TARS2: variants seen among roughly 807,000 people sequenced by gnomAD.
The protein encoded by TARS2 is threonine--tRNA ligase, mitochondrial.
Under a neutral mutation model 94.4 loss-of-function variants are expected in TARS2, and 61 were observed. That is an observed-to-expected ratio of 0.65 (90% CI 0.53 to 0.80). The LOEUF is 0.80. Ranked by LOEUF, TARS2 falls within the 30% of genes least tolerant of loss-of-function variation. The pLI is 0.00. For missense variants in TARS2, 704 were observed against 902.5 expected, an observed-to-expected ratio of 0.78 and a Z score of 2.82; for synonymous variants, 359 against 353.4, an observed-to-expected ratio of 1.02 and a Z score of -0.18.
At chr1:150,488,912 T>C in intron 2 of TARS2, 52 bp from the exon 3 acceptor site, 2 of 1,585,942 alleles carry the variant, frequency 1.3e-6, no homozygotes, top group East Asian at 4.5e-5. Context: ...ATTTTCCTTT[T>C]TGTGCCTTGT....
chr1:150,506,667 C>CACACA (rs1670237468), intron 17 of TARS2, among the ~76,000 whole-genome samples: 1 of 151,654 alleles, frequency 6.6e-6, no homozygotes. Context: ...ATGTCTCTGA[C>CACACA]CCTGGGGCTC....
chr1:150,488,926 CCTGT>C (rs1669262959), intron 2 of TARS2, 34 bp from the exon 3 acceptor site: 3 of 1,602,148 alleles, frequency 1.9e-6, no homozygotes, highest in Non-Finnish European at 2.6e-6. Flanking sequence ...GCCTTGTAAC[CCTGT>C]CTTTTTCTTC....
In TARS2 at chr1:150,487,982, C is replaced by G. The variant is rs1287843869; in HGVS notation, c.191C>G (p.Ser64Ter). The G allele has an allele frequency of 1.9e-6, 3 of 1,613,934 alleles. No homozygotes were observed. Among genetic ancestry groups the G allele is most frequent in the Non-Finnish European group, 2.5e-6 (3 of 1,180,022 alleles). The change falls in exon 2 of 18, where the codon TCA becomes TGA. Residue 64 changes from serine (S) to a stop codon, truncating the protein, a stop_gained. Transcript: ENST00000369064. LOFTEE classifies it high-confidence loss of function. ...AAGGAACCCCGGACTATTAAGATATCACTTCCTGGAGGCCAGAAAATTGAT... is the reference window on the plus strand; with the variant it reads ...AAGGAACCCCGGACTATTAAGATATGACTTCCTGGAGGCCAGAAAATTGAT... ...AQKEPRTIKISLPGGQKIDAV... is the reference protein window; with the variant it reads ...AQKEPRTIKI
At chr1:150,505,377 C>T (rs1670156107) in intron 16 of TARS2, among the ~76,000 whole-genome samples, 1 of 151,886 alleles carries the variant, frequency 6.6e-6, no homozygotes, top group Non-Finnish European at 1.5e-5. Flanking sequence ...GGGTCATCTC[C>T]AGTAGGAGGC....
chr1:150,501,577 C>T (rs1403252165), intron 13 of TARS2, among the ~76,000 whole-genome samples: 1 of 150,722 alleles, frequency 6.6e-6, no homozygotes, highest in Non-Finnish European at 1.5e-5. Flanking sequence ...ACCTCATGAT[C>T]TGCCCGCCTT....
intron 15 of TARS2, 52 bp from the exon 16 acceptor site, chr1:150,504,854 C>A: frequency 1.2e-6 from 2 of 1,611,600 alleles, no homozygotes; most frequent in East Asian, 4.5e-5. Context: ...AAGCACACTT[C>A]TGGCCAGAGC....
At chr1:150,503,163 A>G (rs1020398568) in intron 13 of TARS2, among the ~76,000 whole-genome samples, 12 of 152,314 alleles carry the variant, frequency 7.9e-5, no homozygotes, top group African/African-American at 2.9e-4. Context: ...GGTGGCATCA[A>G]TCTCTGCATT....
chr1:150,499,076 C>T (rs756776402), intron 12 of TARS2, 42 bp downstream of exon 12: 3 of 1,613,694 alleles, frequency 1.9e-6, no homozygotes, highest in East Asian at 2.2e-5. Context: ...AAACCACTCT[C>T]TGGTGGGAAG....
rs1309358555 is a variant in TARS2 at position 150,497,761 on chromosome 1, T to C, written c.1238+14T>C. The C allele has an allele frequency of 6.2e-7, 1 of 1,611,202 alleles. No individual in the cohort carries two copies. Among genetic ancestry groups the C allele is most frequent in the Non-Finnish European group, 8.5e-7 (1 of 1,178,626 alleles). On this transcript the variant is annotated intron_variant, in intron 10 of 17. Transcript: ENST00000369064. ...CCCTGCACACTGGTAAGCTGGGAGC[T>C]AGGGTTACAATCAGGTTGCTAAATA... is the stretch of plus-strand genomic sequence containing the variant.
intron 7 of TARS2, among the ~76,000 whole-genome samples, chr1:150,493,976 C>T (rs587653267): frequency 1.3e-5 from 2 of 152,022 alleles, no homozygotes; most frequent in South Asian, 2.1e-4. Flanking sequence ...AACCCCATGG[C>T]GCGGTGGCCT....
At chr1:150,500,540 C>G (rs940970453) in intron 13 of TARS2, among the ~76,000 whole-genome samples, 1 of 152,056 alleles carries the variant, frequency 6.6e-6, no homozygotes, top group Non-Finnish European at 1.5e-5. Flanking sequence ...GAGCCAAGAT[C>G]ACACCACTGC....
At chr1:150,493,787 G>A (rs1669514277) in intron 7 of TARS2, among the ~76,000 whole-genome samples, 1 of 151,838 alleles carries the variant, frequency 6.6e-6, no homozygotes, top group African/African-American at 2.4e-5. Context: ...ATACTGTTCT[G>A]GACAAGAAGA....
Position 150,498,002 on chromosome 1 carries a change from C to A in TARS2, c.1238+255C>A, listed in dbSNP as rs11590353. Among the ~76,000 whole-genome samples, 46,868 of 150,348 alleles carry A rather than the reference C, an allele frequency of 0.31. 8,269 individuals carry two copies. Among genetic ancestry groups the A allele is most frequent in the Non-Finnish European group, 0.4 (26,981 of 67,550 alleles). ...CAGCTACTCAGGAGGCTGAGGCAGG[C>A]TAATGGCGTGAACCCAGGAGGTGGA... On this transcript the variant is annotated intron_variant, in intron 10 of 17. Coordinates refer to ENST00000369064, the MANE Select transcript of TARS2 (RefSeq NM_025150.5).
In TARS2 at chr1:150,497,694, C is replaced by T. The variant is rs764142546; in HGVS notation, c.1185C>T (p.Thr395=). The T allele has an allele frequency of 5.6e-6, 9 of 1,614,042 alleles. No homozygotes were observed. Among genetic ancestry groups the T allele is most frequent in the Admixed American group, 3.3e-5 (2 of 60,010 alleles). The stretch of plus-strand genomic sequence containing the variant: ...CCAGCTCCCAGAGTGACGATTCTAC[C>T]AGGCATATCACAGATACACTCGCCC... ...RPPSSQSDDS[T]RHITDTLALK... The change falls in exon 10 of 18, where the codon ACC becomes ACT. Residue 395 remains threonine, a synonymous_variant. Transcript: ENST00000369064.
At chr1:150,487,618 C>G (rs2102470123) in intron 1 of TARS2, 102 bp downstream of exon 1, 1 of 1,497,324 alleles carries the variant, frequency 6.7e-7, no homozygotes, top group Non-Finnish European at 9.1e-7. Context: ...CCTCCTCTCC[C>G]TGGTCCTCCG....
rs1003576851 is a variant in TARS2, at chr1:150,504,407, C to T, written c.1690C>T (p.Pro564Ser). ...CGTIQLDFQLPLRFDLQYKGQ... is the reference protein window; with the variant it reads ...CGTIQLDFQLSLRFDLQYKGQ... ...GACAATTCAGCTTGACTTCCAACTG[C>T]CCCTGAGATTTGACCTCCAGTATAA... The change falls in exon 14 of 18, where the codon CCC (proline) becomes TCC (serine). Residue 564 changes from proline to serine, a missense_variant. Coordinates refer to ENST00000369064, the MANE Select transcript of TARS2 (RefSeq NM_025150.5). 1 of 1,614,120 alleles carries T rather than the reference C, an allele frequency of 6.2e-7. No individual in the cohort carries two copies. The highest frequency in any genetic ancestry group is 8.5e-7 in the Non-Finnish European group (1 of 1,180,026).
rs1670140590 is a variant in TARS2 at position 150,505,063 on chromosome 1, G to A, written c.1893+85G>A. On this transcript the variant is annotated intron_variant, in intron 16 of 17. Coordinates refer to ENST00000369064, the MANE Select transcript of TARS2 (RefSeq NM_025150.5). ...GCAGTGGGCAGGAAGAGGCTGCAGG[G>A]GTGGTAGAGGAAGGAGCACAGCCCT... 9 of 1,401,608 alleles carry A rather than the reference G, an allele frequency of 6.4e-6. No homozygotes were observed. The South Asian group carries it at 9.8e-5, about 15-fold the overall frequency. 86.8% of individuals were successfully genotyped at this position (1,401,608 alleles called of 1,614,324 possible).
intron 3 of TARS2, among the ~76,000 whole-genome samples, chr1:150,490,334 G>A (rs1207686786): frequency 1.3e-5 from 2 of 151,862 alleles, no homozygotes; most frequent in Non-Finnish European, 2.9e-5. Flanking sequence ...GGCCAGACTG[G>A]CCTCGAACTC....
intron 3 of TARS2, 146 bp from the exon 4 acceptor site, chr1:150,490,455 C>G: frequency 1.9e-5 from 25 of 1,290,274 alleles, no homozygotes; most frequent in Non-Finnish European, 2.6e-5. Context: ...GTGGTCACCC[C>G]CAAAATCTAG....
Sources: allele counts gnomAD v4.1 joint callset (sites outside exome capture counted in the v4.1 genomes callset), GRCh38; gene constraint gnomAD v4.1.1; transcripts MANE v1.5; gene names NCBI Gene and HGNC (gene_info 2026-07-23, HGNC 2026-07-21).